The following PDE4D variants were observed in gnomAD, a reference collection of about 807,000 sequenced individuals.
The protein encoded by PDE4D is 3',5'-cyclic-AMP phosphodiesterase 4D.
In PDE4D, 24 loss-of-function variants were observed where a neutral mutation model predicts 87.4. That is an observed-to-expected ratio of 0.27 (90% CI 0.20 to 0.39). The LOEUF (loss-of-function observed/expected upper bound fraction) is 0.39. Among genes scored for constraint, PDE4D ranks in the 10% least tolerant of loss-of-function variants. The pLI is 1.00. For missense variants in PDE4D, 714 were observed against 1,041.0 expected (o/e 0.69, Z 4.32); for synonymous variants, 384 against 383.2 (o/e 1.00, Z -0.02).
intron 1 of PDE4D, among the ~76,000 whole-genome samples, chr5:60,434,756 A>T (rs1446471277): frequency 6.6e-6 from 1 of 152,092 alleles, no homozygotes; most frequent in Non-Finnish European, 1.5e-5. Flanking sequence ...CAATGCACCA[A>T]CAATGATGAG....
intron 1 of PDE4D, among the ~76,000 whole-genome samples, chr5:60,458,881 AC>A (rs1466195210): frequency 2.6e-5 from 4 of 152,118 alleles, no homozygotes; most frequent in African/African-American, 9.7e-5. Context: ...GTCCCTAGCG[AC>A]AGTCAAATAA....
chr5:60,281,726 A>G, intron 1 of PDE4D, among the ~76,000 whole-genome samples: 1 of 152,140 alleles, frequency 6.6e-6, no homozygotes, highest in Non-Finnish European at 1.5e-5. Flanking sequence ...AAAATAATAG[A>G]AAAAGTAAGA....
At chr5:59,945,871 C>T (rs1175358723) in intron 3 of PDE4D, among the ~76,000 whole-genome samples, 1 of 152,164 alleles carries the variant, frequency 6.6e-6, no homozygotes. Flanking sequence ...AAAGGAATGA[C>T]TCAAGGCTGG....
intron 2 of PDE4D, among the ~76,000 whole-genome samples, chr5:60,082,809 T>C (rs2152904805): frequency 6.6e-6 from 1 of 152,326 alleles, no homozygotes; most frequent in East Asian, 1.9e-4. Context: ...TACTCATTCT[T>C]GCCATGCTGG....
chr5:60,329,526 T>C (rs1473988729), intron 1 of PDE4D, among the ~76,000 whole-genome samples: 4 of 152,190 alleles, frequency 2.6e-5, no homozygotes, highest in Non-Finnish European at 4.4e-5. Flanking sequence ...ATGTACCTAT[T>C]AATCTACCTT....
intron 2 of PDE4D, among the ~76,000 whole-genome samples, chr5:60,047,420 T>C (rs920366447): frequency 1.3e-5 from 2 of 152,224 alleles, no homozygotes; most frequent in Non-Finnish European, 2.9e-5. Flanking sequence ...CTTTTGAATG[T>C]GTTTGCTCTT....
intron 1 of PDE4D, among the ~76,000 whole-genome samples, chr5:59,517,475 G>C (rs1446960335): frequency 6.6e-6 from 1 of 152,104 alleles, no homozygotes; most frequent in Non-Finnish European, 1.5e-5. Flanking sequence ...TCACAGGTTT[G>C]CCTATTTGGG....
intron 1 of PDE4D, among the ~76,000 whole-genome samples, chr5:59,757,146 A>G (rs1761367738): frequency 6.6e-6 from 1 of 152,156 alleles, no homozygotes; most frequent in South Asian, 2.1e-4. Flanking sequence ...CTTGAAATAC[A>G]AACATGAACT....
intron 2 of PDE4D, among the ~76,000 whole-genome samples, chr5:60,065,606 G>A (rs1419375057): frequency 6.6e-6 from 1 of 151,746 alleles, no homozygotes; most frequent in Non-Finnish European, 1.5e-5. Context: ...CCCCACAACA[G>A]TCCCCAGAGT....
intron 1 of PDE4D, among the ~76,000 whole-genome samples, chr5:60,202,549 A>G (rs60328633): frequency 0.036 from 5,488 of 152,212 alleles, 207 homozygotes; most frequent in East Asian, 0.21. Flanking sequence ...AATATTACAT[A>G]TTACATATTT....
At chr5:59,497,478 A>G (rs946681800) in intron 1 of PDE4D, among the ~76,000 whole-genome samples, 3 of 152,056 alleles carry the variant, frequency 2.0e-5, no homozygotes, top group Admixed American at 1.3e-4. Context: ...CAACATAGCT[A>G]TATTAAGAAA....
At chr5:59,909,824 A>G (rs1753245460) in intron 3 of PDE4D, among the ~76,000 whole-genome samples, 1 of 152,162 alleles carries the variant, frequency 6.6e-6, no homozygotes, top group African/African-American at 2.4e-5. Flanking sequence ...AAAACCTTCA[A>G]TGGTTCCCCA....
intron 1 of PDE4D, among the ~76,000 whole-genome samples, chr5:60,405,956 GTTCCT>G (rs1741491577): frequency 1.3e-5 from 2 of 151,852 alleles, no homozygotes; most frequent in African/African-American, 4.8e-5. Context: ...ACCCACAGGG[GTTCCT>G]TATTCTATCC....
At chr5:59,007,308 A>T (rs1023986271) in intron 6 of PDE4D, among the ~76,000 whole-genome samples, 2 of 152,132 alleles carry the variant, frequency 1.3e-5, no homozygotes, top group African/African-American at 4.8e-5. Context: ...CAAGAAGCAA[A>T]TCTATATAAC....
intron 5 of PDE4D, among the ~76,000 whole-genome samples, chr5:59,079,012 T>G (rs564124367): frequency 6.6e-6 from 1 of 152,176 alleles, no homozygotes; most frequent in Admixed American, 6.5e-5. Context: ...CCTTAACAGA[T>G]GCCAGCACCT....
At chr5:60,310,735 AC>A (rs1754951383) in intron 1 of PDE4D, among the ~76,000 whole-genome samples, 1 of 152,174 alleles carries the variant, frequency 6.6e-6, no homozygotes. Flanking sequence ...CTTCTGACAC[AC>A]TTCTTCCTGA....
chr5:59,297,682 C>A (rs1163364659), intron 1 of PDE4D, among the ~76,000 whole-genome samples: 1 of 152,040 alleles, frequency 6.6e-6, no homozygotes, highest in East Asian at 1.9e-4. Context: ...ACTTAGGAAG[C>A]ACTCAAGAAA....
intron 5 of PDE4D, among the ~76,000 whole-genome samples, chr5:59,077,247 G>C (rs1337336520): frequency 6.6e-6 from 1 of 152,030 alleles, no homozygotes; most frequent in Non-Finnish European, 1.5e-5. Context: ...ACAAATATTA[G>C]GTGTGTTATT....
chr5:59,473,659 A>G (rs1802829930), intron 1 of PDE4D, among the ~76,000 whole-genome samples: 1 of 152,152 alleles, frequency 6.6e-6, no homozygotes, highest in Non-Finnish European at 1.5e-5. Flanking sequence ...CCCAGATGTT[A>G]TTATTCCTGA....
Sources: gnomAD v4.1 joint callset for allele counts (sites outside exome capture counted in the v4.1 genomes callset) on GRCh38, gnomAD v4.1.1 for gene constraint, MANE v1.5 for transcripts, NCBI Gene and HGNC (gene_info 2026-07-23, HGNC 2026-07-21) for gene names.